Variants in CPLX2 observed in about 807,000 individuals in gnomAD.
CPLX2 encodes complexin 2.
Under a neutral mutation model 16.3 loss-of-function variants are expected in CPLX2, and 5 were observed. The observed-to-expected ratio is 0.31, with a 90% CI of 0.16 to 0.64. The LOEUF (loss-of-function observed/expected upper bound fraction) is 0.64, where lower values mean the gene tolerates loss of function less well. Among genes scored for constraint, CPLX2 ranks in the 30% least tolerant of loss-of-function variants. CPLX2 has a pLI of 0.79. For missense variants in CPLX2, 144 were observed against 181.4 expected, an observed-to-expected ratio of 0.79 and a Z score of 1.18; for synonymous variants, 89 against 73.2, an observed-to-expected ratio of 1.22 and a Z score of -1.10.
At chr5:175,871,462 A>AGAGAGAGAAAGAGAGAGAGAGAGAGG (rs1759610713), upstream of CPLX2, 1 of 136,238 alleles carries the variant, frequency 7.3e-6, no homozygotes, top group African/African-American at 2.6e-5. Context: ...AGAGAGAGAG[A>AGAGAGAGAAAGAGAGAGAGAGAGAGG]GAGAGAGAGA....
At chr5:175,811,395 T>C (rs922395572) in intron 2 of CPLX2, among the ~76,000 whole-genome samples, 12 of 152,116 alleles carry the variant, frequency 7.9e-5, no homozygotes, top group Non-Finnish European at 1.8e-4. Context: ...GAGTCTGGAA[T>C]CTGGGTTCAA....
Position 175,845,493 on chromosome 5 carries a change from A to T in CPLX2, c.-88-33159A>T, listed in dbSNP as rs1252765141. Reference sequence around the variant, plus strand: ...CTTGGCAGATTATCCCATCAGGCAAAGGTCACTCCCCCTCATGAGGGCCAC... The same window carrying T: ...CTTGGCAGATTATCCCATCAGGCAATGGTCACTCCCCCTCATGAGGGCCAC... On this transcript the variant is annotated intron_variant, in intron 2 of 4. Coordinates refer to the CPLX2 transcript ENST00000359546. The surrounding 1 kb of genome is among the most constrained non-coding windows in gnomAD (Gnocchi z 4.0). Among the ~76,000 whole-genome samples the T allele has an allele frequency of 1.3e-5, 2 of 152,192 alleles. No individual in the cohort carries two copies. Among genetic ancestry groups the T allele is most frequent in the East Asian group, 3.8e-4 (2 of 5,202 alleles).
intron 2 of CPLX2, among the ~76,000 whole-genome samples, chr5:175,833,241 T>G (rs1758764545): frequency 6.6e-6 from 1 of 152,222 alleles, no homozygotes. Flanking sequence ...TGGGATTTTT[T>G]GAAATCTCTT....
rs769672063 is a variant in CPLX2 at position 175,880,015 on chromosome 5, C to T, written c.375C>T (p.Pro125=). Residue 125 remains proline (P), a synonymous_variant, in exon 4 of 4, where the codon CCC becomes CCT. Transcript: ENST00000393745. ...SILDTVLKYL[P]GPLQDMFKK is the part of the protein sequence containing the mutation. The stretch of plus-strand genomic sequence containing the variant: ...TGGACACGGTGCTCAAATACCTGCC[C>T]GGGCCGCTGCAGGACATGTTCAAGA... 1.4e-5 allele frequency: 22 copies of T among 1,613,512 alleles called. No individual in the cohort carries two copies. Among genetic ancestry groups the T allele is most frequent in the Admixed American group, 3.3e-5 (2 of 59,950 alleles).
intron 1 of CPLX2, among the ~76,000 whole-genome samples, chr5:175,798,675 C>T (rs1758036087): frequency 6.6e-6 from 1 of 152,128 alleles, no homozygotes; most frequent in Non-Finnish European, 1.5e-5. Context: ...TCCAAAGAGC[C>T]TTTTATGGAT....
Position 175,872,596 on chromosome 5 carries a change from G to A in CPLX2, c.-89+891G>A, listed in dbSNP as rs1759656371. On this transcript the variant is annotated intron_variant, in intron 1 of 3. Coordinates refer to ENST00000393745, the MANE Select transcript of CPLX2 (RefSeq NM_001008220.2). The surrounding 1 kb of genome is among the most constrained non-coding windows in gnomAD (Gnocchi z 5.0). Reference sequence around the variant, plus strand: ...TCTGGCCGGGAAACGGGAACCCCCGGCCACTTCCGCTTTTCAGCCGGAGTC... The same window carrying A: ...TCTGGCCGGGAAACGGGAACCCCCGACCACTTCCGCTTTTCAGCCGGAGTC... Among the ~76,000 whole-genome samples, 1 of 152,054 alleles carries A rather than the reference G, an allele frequency of 6.6e-6. No homozygotes were observed. The highest frequency in any genetic ancestry group is 6.5e-5 in the Admixed American group (1 of 15,272).
intron 2 of CPLX2, among the ~76,000 whole-genome samples, chr5:175,827,714 C>G (rs1229137250): frequency 6.6e-6 from 1 of 152,164 alleles, no homozygotes; most frequent in Non-Finnish European, 1.5e-5. Flanking sequence ...GAGCTGAGAT[C>G]ACGCCACTGC....
upstream of CPLX2, among the ~76,000 whole-genome samples, chr5:175,868,085 G>T (rs1205246308): frequency 1.3e-5 from 2 of 152,198 alleles, no homozygotes; most frequent in Non-Finnish European, 2.9e-5. Flanking sequence ...CCAGTGTCTG[G>T]AGCATTTGAA....
chr5:175,801,981 C>T (rs1418679022), intron 1 of CPLX2, among the ~76,000 whole-genome samples: 1 of 152,242 alleles, frequency 6.6e-6, no homozygotes, highest in Non-Finnish European at 1.5e-5. Context: ...CAGCCAGTTA[C>T]TGGCAGGAGT....
intron 1 of CPLX2, among the ~76,000 whole-genome samples, chr5:175,805,044 A>C (rs950563829): frequency 6.6e-6 from 1 of 152,168 alleles, no homozygotes; most frequent in Admixed American, 6.5e-5. Context: ...TTAGGAAAAC[A>C]CTCAGCACAA....
In CPLX2 at chr5:175,880,385, C is replaced by A; in HGVS notation, c.*340C>A. 1 of 391,298 alleles carries A rather than the reference C, an allele frequency of 2.6e-6. No individual in the cohort carries two copies. The highest frequency in any genetic ancestry group is 4.9e-6 in the Non-Finnish European group (1 of 203,864). 24.2% of individuals were successfully genotyped at this position (391,298 alleles called of 1,614,324 possible). On this transcript the variant is annotated 3_prime_UTR_variant, in exon 4 of 4. Transcript: ENST00000393745. The stretch of plus-strand genomic sequence containing the variant: ...CTGCCAGGAGGACCACTGTCCCCAG[C>A]CAGCCAAAGTAATGACACATTCCAG...
chr5:175,834,489 A>G (rs1758789236), intron 2 of CPLX2, among the ~76,000 whole-genome samples: 1 of 152,202 alleles, frequency 6.6e-6, no homozygotes, highest in Non-Finnish European at 1.5e-5. Flanking sequence ...ACTTCAACGT[A>G]ACGCAATTCA....
chr5:175,801,781 G>A (rs182923830), intron 1 of CPLX2, among the ~76,000 whole-genome samples: 20 of 152,332 alleles, frequency 1.3e-4, no homozygotes, highest in African/African-American at 3.8e-4. Flanking sequence ...GGAGATGGGC[G>A]AGCCGGGAGC....
In CPLX2 at chr5:175,830,477, C is replaced by G. The variant is rs1361615331; in HGVS notation, c.-89+21409C>G. On this transcript the variant is annotated intron_variant, in intron 2 of 4. Transcript: ENST00000359546. The surrounding 1 kb of genome is among the most constrained non-coding windows in gnomAD (Gnocchi z 4.0). Reference sequence around the variant, plus strand: ...CACAGAGGAGAGTGAAGCGAGGCAGCCCTCCTTTAGGAGGGGGAGTTTTAG... The same window carrying G: ...CACAGAGGAGAGTGAAGCGAGGCAGGCCTCCTTTAGGAGGGGGAGTTTTAG... Among the ~76,000 whole-genome samples the G allele has an allele frequency of 6.6e-6, 1 of 152,156 alleles. No individual in the cohort carries two copies. The highest frequency in any genetic ancestry group is 1.5e-5 in the Non-Finnish European group (1 of 68,028).
chr5:175,848,917 C>A (rs999514055), intron 2 of CPLX2, among the ~76,000 whole-genome samples: 2 of 152,174 alleles, frequency 1.3e-5, no homozygotes, highest in Non-Finnish European at 2.9e-5. Context: ...GTGGCTGAAG[C>A]AGAGTGAGCC....
chr5:175,827,599 A>G (rs762390627), intron 2 of CPLX2, among the ~76,000 whole-genome samples: 1 of 152,174 alleles, frequency 6.6e-6, no homozygotes, highest in Non-Finnish European at 1.5e-5. Flanking sequence ...TACTAAAAAT[A>G]CAAAATTAGC....
chr5:175,813,304 C>T (rs995487064), intron 2 of CPLX2, among the ~76,000 whole-genome samples: 3 of 152,044 alleles, frequency 2.0e-5, no homozygotes, highest in Non-Finnish European at 4.4e-5. Context: ...AAGAGAAATA[C>T]TAAGTAAGTG....
In CPLX2 at chr5:175,860,183, T is replaced by C. The variant is rs545122167; in HGVS notation, c.-88-18469T>C. On this transcript the variant is annotated intron_variant, in intron 2 of 4. Coordinates refer to the CPLX2 transcript ENST00000359546. Reference sequence around the variant, plus strand: ...CAGTCCCACATTCTGCCAGCCCTGCTAATCCCATACATACAGCCTCCTTTT... The same window carrying C: ...CAGTCCCACATTCTGCCAGCCCTGCCAATCCCATACATACAGCCTCCTTTT... Among the ~76,000 whole-genome samples the C allele has an allele frequency of 1.3e-4, 20 of 152,228 alleles. No homozygotes were observed. The South Asian group carries it at 3.1e-3, about 24-fold the overall frequency.
At chr5:175,865,025 C>T (rs1759446181) in intron 2 of CPLX2, among the ~76,000 whole-genome samples, 1 of 151,994 alleles carries the variant, frequency 6.6e-6, no homozygotes, top group Non-Finnish European at 1.5e-5. Flanking sequence ...TAATGCATGC[C>T]TCATTGCCTC....
Sources: allele counts gnomAD v4.1 joint callset (sites outside exome capture counted in the v4.1 genomes callset), GRCh38; gene constraint gnomAD v4.1.1; non-coding constraint Gnocchi (gnomAD v3.1); transcripts MANE v1.5; gene names NCBI Gene and HGNC (gene_info 2026-07-23, HGNC 2026-07-21).